The following COMMD10 variants were observed in gnomAD, a reference collection of about 807,000 sequenced individuals.
The protein encoded by COMMD10 is COMM domain-containing protein 10.
Under a neutral mutation model 28.9 loss-of-function variants are expected in COMMD10, and 33 were observed. That is an observed-to-expected ratio of 1.14 (90% CI 0.87 to 1.53). COMMD10 has a LOEUF of 1.53. COMMD10 is among the 40% of genes most tolerant of loss of function. COMMD10 has a pLI of 0.00. For missense variants in COMMD10, 310 were observed against 233.4 expected, an observed-to-expected ratio of 1.33 and a Z score of -2.14; for synonymous variants, 110 against 81.7, an observed-to-expected ratio of 1.35 and a Z score of -1.87.
chr5:116,181,131 G>A (rs991725137), intron 5 of COMMD10, among the ~76,000 whole-genome samples: 3 of 151,974 alleles, frequency 2.0e-5, no homozygotes, highest in African/African-American at 4.8e-5. Context: ...GCGACAGAGT[G>A]AGACCCTGTC....
At chr5:116,214,141 T>G (rs1361611965) in intron 5 of COMMD10, among the ~76,000 whole-genome samples, 1 of 152,100 alleles carries the variant, frequency 6.6e-6, no homozygotes, top group Non-Finnish European at 1.5e-5. Flanking sequence ...CTTTAAACCT[T>G]TAGCTGTTGC....
At chr5:116,287,301 AAATTGAC>A (rs1751243673) in intron 5 of COMMD10, among the ~76,000 whole-genome samples, 2 of 151,682 alleles carry the variant, frequency 1.3e-5, no homozygotes, top group South Asian at 4.1e-4. Flanking sequence ...TTTTCCTGGT[AAATTGAC>A]CCTTTTGTCA....
At chr5:116,200,179 C>T (rs1016352453) in intron 5 of COMMD10, among the ~76,000 whole-genome samples, 34 of 151,988 alleles carry the variant, frequency 2.2e-4, no homozygotes, top group African/African-American at 8.0e-4. Flanking sequence ...TAACTGTGGT[C>T]TCCTTGTGCC....
At chr5:116,179,341 C>A (rs541175085) in intron 5 of COMMD10, among the ~76,000 whole-genome samples, 5 of 152,074 alleles carry the variant, frequency 3.3e-5, no homozygotes, top group Non-Finnish European at 7.4e-5. Context: ...TCTGGACTAG[C>A]TGTTTAACTC....
rs149347900 is a variant in COMMD10, at chr5:116,087,531, G to C, written c.76G>C (p.Asp26His). Reference protein sequence around the residue: ...KKAVSLINAIDTGRFPRLLTR... With the variant: ...KKAVSLINAIHTGRFPRLLTR... ...AGCAGTGTCACTGATAAATGCAATAGATACAGGAAGATTTCCACGGTTGCT... is the reference window on the plus strand; with the variant it reads ...AGCAGTGTCACTGATAAATGCAATACATACAGGAAGATTTCCACGGTTGCT... The change falls in exon 2 of 7, where the codon GAT becomes CAT. Residue 26 changes from aspartate to histidine, a missense_variant. Asp to His is a moderately conservative substitution (Grantham distance 81, BLOSUM62 -1). Coordinates refer to ENST00000274458, the MANE Select transcript of COMMD10 (RefSeq NM_016144.4). 2.4e-5 allele frequency: 39 copies of C among 1,612,292 alleles called. No individual in the cohort carries two copies. In the Admixed American group the frequency reaches 6.2e-4, roughly 25 times the overall value.
At chr5:116,195,570 A>G (rs762444089) in intron 5 of COMMD10, among the ~76,000 whole-genome samples, 1 of 152,286 alleles carries the variant, frequency 6.6e-6, no homozygotes. Context: ...AGCAAAAAAT[A>G]AATAAGTAAG....
At chr5:116,241,573 A>C (rs1749811125) in intron 5 of COMMD10, among the ~76,000 whole-genome samples, 1 of 139,286 alleles carries the variant, frequency 7.2e-6, no homozygotes, top group Non-Finnish European at 1.6e-5. Context: ...ATCCTCTTAC[A>C]CTCTGCTTTC....
At chr5:116,159,665 C>G (rs1005447676) in intron 5 of COMMD10, among the ~76,000 whole-genome samples, 2 of 152,140 alleles carry the variant, frequency 1.3e-5, no homozygotes, top group African/African-American at 4.8e-5. Context: ...TGATAATGAA[C>G]TGTGGAGGTT....
At chr5:116,113,719 A>G (rs1328466919) in intron 4 of COMMD10, among the ~76,000 whole-genome samples, 1 of 152,038 alleles carries the variant, frequency 6.6e-6, no homozygotes, top group African/African-American at 2.4e-5. Context: ...ATTAGTTTTC[A>G]GATTTCTCTT....
chr5:116,187,382 T>G (rs1318363437), intron 5 of COMMD10, among the ~76,000 whole-genome samples: 1 of 152,170 alleles, frequency 6.6e-6, no homozygotes, highest in Non-Finnish European at 1.5e-5. Context: ...TATATGCATT[T>G]AAATATAATT....
chr5:116,136,629 GAC>G lies in COMMD10; in HGVS notation c.510+2453_510+2454del, dbSNP rs375701673. ...AATAAAAGAGTAATGCTTCTAGTAAGACAGCCATGTTAATAAGACATTCAGAT... is the reference window on the plus strand; with the variant it reads ...AATAAAAGAGTAATGCTTCTAGTAAGAGCCATGTTAATAAGACATTCAGAT... On this transcript the variant is annotated intron_variant, in intron 5 of 6. Transcript: ENST00000274458. Among the ~76,000 whole-genome samples the G allele has an allele frequency of 5.6e-3, 852 of 152,240 alleles. 6 individuals are homozygous for G. Among genetic ancestry groups the G allele is most frequent in the African/African-American group, 0.02 (813 of 41,536 alleles).
chr5:116,168,040 A>G (rs62384181), intron 5 of COMMD10, among the ~76,000 whole-genome samples: 10,997 of 151,866 alleles, frequency 0.072, 465 homozygotes, highest in Admixed American at 0.13. Flanking sequence ...CACACTGGTA[A>G]ATTGGATAGA....
intron 5 of COMMD10, among the ~76,000 whole-genome samples, chr5:116,279,471 A>G (rs1580607594): frequency 6.6e-6 from 1 of 151,826 alleles, no homozygotes; most frequent in African/African-American, 2.4e-5. Context: ...CCGTTTGCCC[A>G]GTGCCCTTCT....
intron 5 of COMMD10, among the ~76,000 whole-genome samples, chr5:116,161,722 C>T (rs1752925003): frequency 6.6e-6 from 1 of 152,038 alleles, no homozygotes; most frequent in Non-Finnish European, 1.5e-5. Flanking sequence ...GATCTTCATC[C>T]TCATCATCTT....
At chr5:116,108,840 A>G (rs1750937211) in intron 4 of COMMD10, among the ~76,000 whole-genome samples, 1 of 152,134 alleles carries the variant, frequency 6.6e-6, no homozygotes, top group Middle Eastern at 3.2e-3. Context: ...ACCCGAGGGA[A>G]TCTCCTGGTC....
chr5:116,119,065 A>G (rs994150112), intron 4 of COMMD10, among the ~76,000 whole-genome samples: 6 of 152,184 alleles, frequency 3.9e-5, no homozygotes, highest in African/African-American at 1.2e-4. Flanking sequence ...AGTGTCCTCA[A>G]ACTTGTGCTA....
At chr5:116,279,882 AT>A (rs1751027022) in intron 5 of COMMD10, among the ~76,000 whole-genome samples, 2 of 151,780 alleles carry the variant, frequency 1.3e-5, no homozygotes, top group Non-Finnish European at 2.9e-5. Context: ...CGCTATATTT[AT>A]CAAAATACCC....
In COMMD10 at chr5:116,272,216, T is replaced by TA. The variant is rs543889892; in HGVS notation, c.511-19300dup. 6.0e-4 allele frequency among the ~76,000 whole-genome samples: 91 copies of TA among 151,970 alleles called. 1 individual carries two copies. The East Asian group carries it at 0.014, about 23-fold the overall frequency. ...TAGCCATGTCAGTGCAGTCTTTTTG[T>TA]ACCTTACTAACTGAAAAAAATGGGT... On this transcript the variant is annotated intron_variant, in intron 5 of 6. Coordinates refer to ENST00000274458, the MANE Select transcript of COMMD10 (RefSeq NM_016144.4).
intron 4 of COMMD10, among the ~76,000 whole-genome samples, chr5:116,104,576 T>A (rs1375294979): frequency 5.9e-5 from 9 of 152,182 alleles, no homozygotes; most frequent in African/African-American, 1.9e-4. Flanking sequence ...AAATATACAA[T>A]CATGTCATCT....
Sources: allele counts gnomAD v4.1 joint callset (sites outside exome capture counted in the v4.1 genomes callset), GRCh38; gene constraint gnomAD v4.1.1; transcripts MANE v1.5; gene names NCBI Gene and HGNC (gene_info 2026-07-23, HGNC 2026-07-21).